The following NEBL variants were observed in gnomAD, a reference collection of about 807,000 sequenced individuals.
The protein encoded by NEBL is nebulette.
Under a neutral mutation model 140.2 loss-of-function variants are expected in NEBL, and 122 were observed. The ratio of observed to expected loss-of-function variants is 0.87; its 90% CI spans 0.75 to 1.01. The LOEUF (loss-of-function observed/expected upper bound fraction) is 1.01. Ranked by LOEUF, NEBL falls within the 50% of genes least tolerant of loss-of-function variation. The pLI is 0.00. For synonymous variants in NEBL, 436 were observed against 398.9 expected, an observed-to-expected ratio of 1.09 and a Z score of -1.11; for missense variants, 1,365 against 1,231.3, an observed-to-expected ratio of 1.11 and a Z score of -1.62.
At chr10:20,952,334 G>A (rs188682263) in intron 4 of NEBL, among the ~76,000 whole-genome samples, 2 of 151,732 alleles carry the variant, frequency 1.3e-5, no homozygotes, top group African/African-American at 4.8e-5. Context: ...CTACTAGGGA[G>A]GCTGAGGCAG....
chr10:20,837,924 C>A (rs903163351), intron 13 of NEBL, among the ~76,000 whole-genome samples: 6 of 152,138 alleles, frequency 3.9e-5, no homozygotes, highest in African/African-American at 1.4e-4. Context: ...AAGCCCACTG[C>A]CAAAACCTAA....
chr10:21,263,740 G>A (rs1385327823), intron 1 of NEBL, among the ~76,000 whole-genome samples: 5 of 152,158 alleles, frequency 3.3e-5, no homozygotes, highest in East Asian at 1.9e-4. Flanking sequence ...CGAGGCAGGC[G>A]GATCACCTGA....
intron 4 of NEBL, among the ~76,000 whole-genome samples, chr10:20,908,881 C>A (rs1477251743): frequency 6.6e-6 from 1 of 152,166 alleles, no homozygotes; most frequent in Non-Finnish European, 1.5e-5. Flanking sequence ...CTATTCTGTT[C>A]CTTACCTGTA....
At chr10:21,245,938 G>A (rs1000816580) in intron 3 of NEBL, among the ~76,000 whole-genome samples, 4 of 151,968 alleles carry the variant, frequency 2.6e-5, no homozygotes, top group Non-Finnish European at 5.9e-5. Flanking sequence ...CTCGTGATCC[G>A]CCCGCCTCAG....
chr10:20,988,797 A>G (rs931798359), intron 3 of NEBL, among the ~76,000 whole-genome samples: 71 of 152,338 alleles, frequency 4.7e-4, no homozygotes, highest in African/African-American at 1.7e-3. Context: ...CACACTTGGC[A>G]AAGCCACCAG....
chr10:20,921,724 A>G (rs191604155), intron 4 of NEBL, among the ~76,000 whole-genome samples: 44 of 152,138 alleles, frequency 2.9e-4, no homozygotes, highest in Admixed American at 2.2e-3. Flanking sequence ...ATATGTGACA[A>G]CACACACACA....
intron 1 of NEBL, among the ~76,000 whole-genome samples, chr10:21,256,825 C>A (rs1842665049): frequency 6.6e-6 from 1 of 152,188 alleles, no homozygotes; most frequent in South Asian, 2.1e-4. Context: ...GGCAACAGAG[C>A]AAGACCCTGT....
chr10:21,043,252 T>A (rs1834349176), intron 2 of NEBL, among the ~76,000 whole-genome samples: 1 of 152,178 alleles, frequency 6.6e-6, no homozygotes, highest in Non-Finnish European at 1.5e-5. Context: ...TTTTTGATAC[T>A]TTTCTTTTTT....
At chr10:20,920,370 T>C (rs748000826) in intron 4 of NEBL, among the ~76,000 whole-genome samples, 6 of 152,124 alleles carry the variant, frequency 3.9e-5, no homozygotes, top group Non-Finnish European at 8.8e-5. Flanking sequence ...ATACTAGCAA[T>C]AGCAAAAGAC....
At chr10:20,793,844 C>T (rs1836241112) in intron 26 of NEBL, among the ~76,000 whole-genome samples, 1 of 152,236 alleles carries the variant, frequency 6.6e-6, no homozygotes, top group South Asian at 2.1e-4. Flanking sequence ...GAGTGAGCCA[C>T]TGTGTCTGGC....
At chr10:20,939,866 A>G (rs998245701) in intron 4 of NEBL, among the ~76,000 whole-genome samples, 2 of 152,240 alleles carry the variant, frequency 1.3e-5, no homozygotes, top group African/African-American at 4.8e-5. Context: ...AAAGGGATCA[A>G]TTCAACAAAA....
intron 3 of NEBL, among the ~76,000 whole-genome samples, chr10:20,888,587 G>C (rs755386681): frequency 2.0e-5 from 3 of 152,222 alleles, no homozygotes; most frequent in Admixed American, 6.5e-5. Context: ...ACAAAGGACA[G>C]TGTTCTTTTA....
chr10:20,840,102 C>T (rs551286494), intron 13 of NEBL, among the ~76,000 whole-genome samples: 2 of 152,202 alleles, frequency 1.3e-5, no homozygotes, highest in East Asian at 1.9e-4. Flanking sequence ...CCATCGTCAT[C>T]GCTATCATCA....
intron 3 of NEBL, among the ~76,000 whole-genome samples, chr10:21,238,972 C>T (rs923603924): frequency 9.2e-5 from 14 of 152,154 alleles, no homozygotes; most frequent in Admixed American, 7.9e-4. Context: ...AATTCCCTTT[C>T]AAACCCTTTG....
intron 22 of NEBL, among the ~76,000 whole-genome samples, chr10:20,814,623 C>CACACACAA (rs2130798726): frequency 6.7e-6 from 1 of 149,570 alleles, no homozygotes; most frequent in South Asian, 2.1e-4. Flanking sequence ...CACATACACA[C>CACACACAA]ACACACACAC....
intron 14 of NEBL, among the ~76,000 whole-genome samples, chr10:20,833,019 A>G (rs1454121195): frequency 1.3e-5 from 2 of 152,252 alleles, no homozygotes; most frequent in African/African-American, 4.8e-5. Flanking sequence ...GATAACAGAC[A>G]GCCACCAAGG....
chr10:20,929,144 C>A (rs1834054934), intron 4 of NEBL, among the ~76,000 whole-genome samples: 1 of 152,098 alleles, frequency 6.6e-6, no homozygotes, highest in East Asian at 1.9e-4. Flanking sequence ...ATCAACATAT[C>A]AAAAATATAT....
chr10:20,997,836 A>T (rs1297921425), intron 3 of NEBL, among the ~76,000 whole-genome samples: 1 of 152,198 alleles, frequency 6.6e-6, no homozygotes, highest in African/African-American at 2.4e-5. Flanking sequence ...AAACATGAGG[A>T]CATTTATTCA....
rs912756026 is a variant in NEBL, at chr10:21,119,436, CATAT to C, written c.164+52943_164+52946del. On this transcript the variant is annotated intron_variant, in intron 2 of 6. Coordinates refer to the NEBL transcript ENST00000417816. ...AATATTTGTAATATACTTAATATAA[CATAT>C]ATAGTTATATTAATATACTGAATAT... 5.1e-5 allele frequency among the ~76,000 whole-genome samples: 6 copies of C among 117,232 alleles called. 1 individual carries two copies. In the South Asian group the frequency reaches 1.1e-3, roughly 22 times the overall value. 76.9% of individuals were successfully genotyped at this position (117,232 alleles called of 152,430 possible). A position where few individuals can be genotyped will look rare whatever the true frequency, so the allele number is the denominator to read the frequency against.
Sources: allele counts gnomAD v4.1 joint callset (sites outside exome capture counted in the v4.1 genomes callset), GRCh38; gene constraint gnomAD v4.1.1; transcripts MANE v1.5; gene names NCBI Gene and HGNC (gene_info 2026-07-23, HGNC 2026-07-21).